PDE1C: variants seen among roughly 807,000 people sequenced by gnomAD.
The protein encoded by PDE1C is phosphodiesterase 1C.
Under a neutral mutation model 93.1 loss-of-function variants are expected in PDE1C, and 62 were observed. The observed-to-expected ratio is 0.67, with a 90% CI of 0.54 to 0.82. The LOEUF is 0.82. Among genes scored for constraint, PDE1C ranks in the 40% least tolerant of loss-of-function variants. PDE1C has a pLI of 0.00. For synonymous variants in PDE1C, 325 were observed against 310.1 expected (o/e 1.05, Z -0.50); for missense variants, 742 against 884.6 (o/e 0.84, Z 2.04).
rs145197610 is a variant in PDE1C, at chr7:32,172,939, G to C, written c.137-2983C>G. On this transcript the variant is annotated intron_variant, in intron 2 of 18. Coordinates refer to the PDE1C transcript ENST00000396193. ...GTAAATTAGTTCAACCATTGTGGAA[G>C]ACGATGTGGCGATTCCTCAAGGATC... 2.9e-3 allele frequency among the ~76,000 whole-genome samples: 437 copies of C among 151,520 alleles called. 2 individuals are homozygous for C. Among genetic ancestry groups the C allele is most frequent in the African/African-American group, 9.9e-3 (407 of 41,276 alleles).
At chr7:32,134,056 A>C (rs1800072554) in intron 3 of PDE1C, among the ~76,000 whole-genome samples, 1 of 152,078 alleles carries the variant, frequency 6.6e-6, no homozygotes, top group African/African-American at 2.4e-5. Flanking sequence ...TGACTATGGA[A>C]AGATTTGGTG....
chr7:32,342,836 G>C (rs1310895793), intron 1 of PDE1C, among the ~76,000 whole-genome samples: 1 of 152,056 alleles, frequency 6.6e-6, no homozygotes, highest in African/African-American at 2.4e-5. Context: ...AAACCCCAAA[G>C]TATTAGCTTT....
chr7:31,798,357 T>A (rs996180376), intron 16 of PDE1C, among the ~76,000 whole-genome samples: 10 of 151,724 alleles, frequency 6.6e-5, no homozygotes, highest in Middle Eastern at 3.2e-3. Context: ...AGCCTCTCTT[T>A]CTAATCATCA....
chr7:32,374,304 AAAG>A (rs1333379040), intron 1 of PDE1C, among the ~76,000 whole-genome samples: 5 of 149,064 alleles, frequency 3.4e-5, no homozygotes, highest in African/African-American at 1.3e-4. Flanking sequence ...AGAAAGAAAG[AAAG>A]AAGAAAAGAA....
intron 2 of PDE1C, among the ~76,000 whole-genome samples, chr7:31,944,706 T>C (rs1471183050): frequency 6.6e-6 from 1 of 152,170 alleles, no homozygotes; most frequent in Non-Finnish European, 1.5e-5. Flanking sequence ...GTTTGAATAG[T>C]TTTAAGAACA....
chr7:31,922,278 T>G (rs1415354718), intron 2 of PDE1C, among the ~76,000 whole-genome samples: 2 of 152,202 alleles, frequency 1.3e-5, no homozygotes, highest in African/African-American at 4.8e-5. Context: ...ACTAATGGAA[T>G]TGAACTGTTA....
chr7:31,700,794 T>G, the PDE1C span, among the ~76,000 whole-genome samples: 1 of 152,118 alleles, frequency 6.6e-6, no homozygotes, highest in Non-Finnish European at 1.5e-5. Flanking sequence ...TATGTTAAAT[T>G]GAAGCTGCCT....
At chr7:31,736,274 C>A in the PDE1C span, among the ~76,000 whole-genome samples, 1 of 152,184 alleles carries the variant, frequency 6.6e-6, no homozygotes, top group East Asian at 1.9e-4. Context: ...TACAATGAGG[C>A]CTGTAGACAG....
chr7:31,811,456 T>C (rs921330362), intron 15 of PDE1C, among the ~76,000 whole-genome samples: 2 of 152,060 alleles, frequency 1.3e-5, no homozygotes, highest in Non-Finnish European at 1.5e-5. Context: ...GTGCAGGACA[T>C]GGTCATCACC....
intron 1 of PDE1C, among the ~76,000 whole-genome samples, chr7:32,410,727 C>T (rs1380892429): frequency 1.3e-5 from 2 of 152,170 alleles, no homozygotes; most frequent in African/African-American, 2.4e-5. Flanking sequence ...CTCCGCTTCC[C>T]GGACAGTGGC....
At chr7:31,852,478 T>C (rs569726350) in intron 7 of PDE1C, among the ~76,000 whole-genome samples, 5 of 151,388 alleles carry the variant, frequency 3.3e-5, no homozygotes, top group Non-Finnish European at 5.9e-5. Flanking sequence ...CAAAACCCCT[T>C]GTAAAGGCAG....
At chr7:31,695,422 C>T in the PDE1C span, 1 of 1,532,176 alleles carries the variant, frequency 6.5e-7, no homozygotes, top group Non-Finnish European at 8.8e-7. Context: ...TGACTGGATC[C>T]TTAATCATGT....
chr7:31,974,649 T>G (rs1261264162), intron 2 of PDE1C, among the ~76,000 whole-genome samples: 3 of 152,090 alleles, frequency 2.0e-5, no homozygotes, highest in Non-Finnish European at 4.4e-5. Flanking sequence ...GAGGGAGGGC[T>G]AGCCAAGCCT....
At chr7:31,623,093 G>T in the PDE1C span, among the ~76,000 whole-genome samples, 1 of 152,170 alleles carries the variant, frequency 6.6e-6, no homozygotes, top group Admixed American at 6.5e-5. Flanking sequence ...AACAGGATCT[G>T]AAATTGTGGC....
At chr7:32,075,824 G>A (rs1796318276), upstream of PDE1C, among the ~76,000 whole-genome samples, 1 of 152,120 alleles carries the variant, frequency 6.6e-6, no homozygotes, top group African/African-American at 2.4e-5. Context: ...TCCTTCAGTT[G>A]CTCCCACAAG....
the PDE1C span, chr7:31,652,042 AT>A: frequency 6.3e-7 from 1 of 1,595,522 alleles, no homozygotes; most frequent in Non-Finnish European, 8.5e-7. Flanking sequence ...CAGAGAAGGG[AT>A]TTTACTGGTA....
intron 1 of PDE1C, among the ~76,000 whole-genome samples, chr7:32,273,760 C>T (rs1332713028): frequency 6.6e-6 from 1 of 152,176 alleles, no homozygotes; most frequent in Non-Finnish European, 1.5e-5. Flanking sequence ...GACTCATCAC[C>T]AAAATCAGTT....
the PDE1C span, among the ~76,000 whole-genome samples, chr7:31,640,282 G>A: frequency 1.3e-5 from 2 of 152,178 alleles, no homozygotes; most frequent in Non-Finnish European, 2.9e-5. Context: ...ACTGGGCAGT[G>A]TTTCCCCTGA....
At chr7:32,212,497 C>T (rs1242445937) in intron 1 of PDE1C, among the ~76,000 whole-genome samples, 1 of 152,214 alleles carries the variant, frequency 6.6e-6, no homozygotes, top group Non-Finnish European at 1.5e-5. Context: ...TAGAGGGTCT[C>T]CCGTGATGCT....
Sources: gnomAD v4.1 joint callset for allele counts (sites outside exome capture counted in the v4.1 genomes callset) on GRCh38, gnomAD v4.1.1 for gene constraint, MANE v1.5 for transcripts, NCBI Gene and HGNC (gene_info 2026-07-23, HGNC 2026-07-21) for gene names.